ABCB7: variants seen among roughly 807,000 people sequenced by gnomAD.
The protein encoded by ABCB7 is iron-sulfur clusters transporter ABCB7, mitochondrial.
A neutral mutation model predicts 54.4 loss-of-function variants in ABCB7; 7 were observed. That is an observed-to-expected ratio of 0.13 (90% CI 0.07 to 0.24). ABCB7 has a LOEUF of 0.24. ABCB7 is among the 10% of genes least tolerant of loss of function. The pLI is 1.00. For synonymous variants in ABCB7, 218 were observed against 207.1 expected (o/e 1.05, Z -0.45); for missense variants, 356 against 570.4 (o/e 0.62, Z 3.83).
chrX:75,148,926 G>A (rs1257006694), intron 1 of ABCB7, among the ~76,000 whole-genome samples: 2 of 111,881 alleles, frequency 1.8e-5, no homozygotes, highest in Non-Finnish European at 3.8e-5. Flanking sequence ...AGTAGTTGAA[G>A]AAAGAGTTCA....
chrX:75,110,056 TA>T (rs1302281320), intron 3 of ABCB7, among the ~76,000 whole-genome samples: 2 of 112,044 alleles, frequency 1.8e-5, no homozygotes, highest in Non-Finnish European at 3.8e-5. Flanking sequence ...TTTGTTACAT[TA>T]TACTTCAGGG....
intron 3 of ABCB7, among the ~76,000 whole-genome samples, chrX:75,107,814 A>C (rs2081717628): frequency 9.0e-6 from 1 of 111,004 alleles, no homozygotes. Context: ...TGAGAAAAGC[A>C]GGGGGGAAAG....
intron 4 of ABCB7, among the ~76,000 whole-genome samples, chrX:75,078,245 A>G (rs2081427244): frequency 1.8e-5 from 2 of 110,686 alleles, no homozygotes; most frequent in South Asian, 7.7e-4. Flanking sequence ...TCACTCTTCA[A>G]AGCCCAATTT....
intron 5 of ABCB7, 39 bp from the exon 6 acceptor site, chrX:75,075,669 T>C (rs2081402729): frequency 8.7e-7 from 1 of 1,154,594 alleles, no homozygotes; most frequent in Non-Finnish European, 1.2e-6. Flanking sequence ...GATGTAACAA[T>C]ATTAGAATCA....
chrX:75,091,954 T>A (rs777337073), intron 4 of ABCB7, among the ~76,000 whole-genome samples: 1 of 111,638 alleles, frequency 9.0e-6, no homozygotes, highest in Non-Finnish European at 1.9e-5. Context: ...ATACTCCATG[T>A]TCATGTATGG....
chrX:75,140,906 A>G (rs1268027148), intron 1 of ABCB7, among the ~76,000 whole-genome samples: 2 of 111,799 alleles, frequency 1.8e-5, no homozygotes, highest in Non-Finnish European at 1.9e-5. Context: ...AAATCTCTCT[A>G]TTCTTCTTAA....
intron 1 of ABCB7, among the ~76,000 whole-genome samples, chrX:75,150,725 T>C (rs1396409805): frequency 9.0e-6 from 1 of 111,667 alleles, no homozygotes; most frequent in Non-Finnish European, 1.9e-5. Context: ...ATATACCTTA[T>C]TTTACAATAT....
At chrX:75,143,662 G>A (rs2147573033) in intron 1 of ABCB7, among the ~76,000 whole-genome samples, 1 of 111,563 alleles carries the variant, frequency 9.0e-6, no homozygotes, top group South Asian at 3.8e-4. Context: ...TATGGTGGAG[G>A]AGGCTTCACA....
At position 75,073,945 on chromosome X, in the gene ABCB7, G is replaced by A. The variant is rs769487666; in HGVS notation, c.867C>T (p.Cys289=). 57 of 1,203,359 alleles carry A rather than the reference G, an allele frequency of 4.7e-5. No individual in the cohort carries two copies. Among genetic ancestry groups the A allele is most frequent in the East Asian group, 5.9e-5 (2 of 33,714 alleles). ...GGGTTACCAAAGCAAACTGGGCACC[G>A]CATTTGTAATACTAGAAAAGGAAGT... is the stretch of plus-strand genomic sequence containing the variant. ...MLVSGVLYYK[C]GAQFALVTLG... The change falls in exon 7 of 16, where the codon TGC becomes TGT. Residue 289 remains cysteine, a synonymous_variant. Coordinates refer to ENST00000373394, the MANE Select transcript of ABCB7 (RefSeq NM_001271696.3).
intron 1 of ABCB7, among the ~76,000 whole-genome samples, chrX:75,124,459 G>A (rs1414865622): frequency 8.9e-6 from 1 of 111,872 alleles, no homozygotes; most frequent in Non-Finnish European, 1.9e-5. Context: ...CAAGAAAATT[G>A]CACACTGCTT....
chrX:75,053,404 T>C lies in ABCB7; in HGVS notation c.2225A>G (p.Asn742Ser), dbSNP rs377609329. 13 of 1,210,049 alleles carry C rather than the reference T, an allele frequency of 1.1e-5. No individual in the cohort carries two copies. The highest frequency in any genetic ancestry group is 7.0e-5 in the African/African-American group (4 of 57,308). Residue 742 changes from asparagine (N) to serine (S), a missense_variant, in exon 16 of 16, where the codon AAT (asparagine) becomes AGT (serine). Asn to Ser is a conservative substitution (Grantham distance 46). Around this residue, in one of 2 missense-constraint regions of ABCB7, gnomAD observed 241 missense variants for 470.9 expected, o/e 0.51. Coordinates refer to ENST00000373394, the MANE Select transcript of ABCB7 (RefSeq NM_001271696.3). ...ERKKLQEEIV[N>S]SVKGCGNCSC ...ACAGTTTCCACAGCCTTTCACACTATTGACAATTTCTTCTTGTAGTTTCTT... is the reference window on the plus strand; with the variant it reads ...ACAGTTTCCACAGCCTTTCACACTACTGACAATTTCTTCTTGTAGTTTCTT...
intron 13 of ABCB7, 36 bp from the exon 14 acceptor site, chrX:75,062,467 T>C: frequency 9.8e-7 from 1 of 1,024,822 alleles, no homozygotes; most frequent in African/African-American, 1.8e-5. Flanking sequence ...GGAAGCATAG[T>C]GCATGCATAT....
chrX:75,118,272 G>A (rs903281431), intron 1 of ABCB7, among the ~76,000 whole-genome samples: 2 of 111,795 alleles, frequency 1.8e-5, no homozygotes, highest in African/African-American at 6.5e-5. Flanking sequence ...CCACTTTCTG[G>A]TTTGTTAACT....
At chrX:75,064,849 G>A (rs1450037139) in intron 13 of ABCB7, among the ~76,000 whole-genome samples, 2 of 88,787 alleles carry the variant, frequency 2.3e-5, no homozygotes, top group African/African-American at 1.3e-4. Flanking sequence ...TACAGTGTTT[G>A]CAGCTGCAAG....
intron 4 of ABCB7, among the ~76,000 whole-genome samples, chrX:75,086,385 G>A (rs936177735): frequency 1.8e-5 from 2 of 111,253 alleles, no homozygotes; most frequent in African/African-American, 6.5e-5. Context: ...CAAAATTACT[G>A]GTCAATATAG....
chrX:75,151,691 C>T (rs1451104159), intron 1 of ABCB7, among the ~76,000 whole-genome samples: 4 of 111,056 alleles, frequency 3.6e-5, no homozygotes, highest in Non-Finnish European at 5.7e-5. Context: ...TTGCAAGAAA[C>T]CTTAGAGATC....
At chrX:75,137,402 G>GAA (rs1158516321) in intron 1 of ABCB7, among the ~76,000 whole-genome samples, 1 of 112,374 alleles carries the variant, frequency 8.9e-6, no homozygotes, top group Non-Finnish European at 1.9e-5. Context: ...AGGTTTTGGA[G>GAA]AAAAAGGACC....
intron 2 of ABCB7, 36 bp downstream of exon 2, chrX:75,114,718 T>A: frequency 1.7e-6 from 2 of 1,147,262 alleles, no homozygotes; most frequent in Non-Finnish European, 2.4e-6. Context: ...TACAGGTTTT[T>A]CCTAGCTATA....
At chrX:75,128,521 T>C (rs1229110776) in intron 1 of ABCB7, among the ~76,000 whole-genome samples, 1 of 111,710 alleles carries the variant, frequency 9.0e-6, no homozygotes, top group Non-Finnish European at 1.9e-5. Flanking sequence ...GGCAATACCA[T>C]TCAGGACATA....
Sources: allele counts gnomAD v4.1 joint callset (sites outside exome capture counted in the v4.1 genomes callset), GRCh38; gene constraint gnomAD v4.1.1; regional missense constraint gnomAD v4.1.1; transcripts MANE v1.5; gene names NCBI Gene and HGNC (gene_info 2026-07-23, HGNC 2026-07-21).